Variants in SNX6 observed in about 807,000 individuals in gnomAD.
SNX6 encodes the protein sorting nexin 6, also known as sorting nexin-6.
A neutral mutation model predicts 63.0 loss-of-function variants in SNX6; 34 were observed. That is an observed-to-expected ratio of 0.54 (90% CI 0.41 to 0.72). The LOEUF is 0.72. Among genes scored for constraint, SNX6 ranks in the 30% least tolerant of loss-of-function variants. SNX6 has a pLI of 0.00. For synonymous variants in SNX6, 170 were observed against 164.2 expected, an observed-to-expected ratio of 1.04 and a Z score of -0.27; for missense variants, 398 against 471.4, an observed-to-expected ratio of 0.84 and a Z score of 1.44.
chr14:34,609,937 T>C (rs932226857), intron 2 of SNX6, among the ~76,000 whole-genome samples, 195 bp from the exon 3 acceptor site: 4 of 152,180 alleles, frequency 2.6e-5, no homozygotes, highest in Admixed American at 1.3e-4. Flanking sequence ...CTTAATTCTA[T>C]AGTATTCAAT....
At chr14:34,603,003 C>T (rs1186446547) in intron 6 of SNX6, among the ~76,000 whole-genome samples, 1 of 144,014 alleles carries the variant, frequency 6.9e-6, no homozygotes, top group Non-Finnish European at 1.5e-5. Context: ...TTGGGCTGGG[C>T]GCTATGGCTC....
chr14:34,629,477 C>CAGAA (rs1031572949), intron 2 of SNX6: 7 of 474,712 alleles, frequency 1.5e-5, no homozygotes, highest in Non-Finnish European at 2.9e-5. Flanking sequence ...TTGAGAGAGA[C>CAGAA]AGAAGGGTGG....
chr14:34,609,503 A>AG, intron 3 of SNX6, 135 bp downstream of exon 3: 2 of 476,274 alleles, frequency 4.2e-6, no homozygotes, highest in Non-Finnish European at 7.5e-6. Context: ...AAAAAAAAAA[A>AG]AGTACATTTT....
At chr14:34,624,523 C>A (rs1024968027) in intron 2 of SNX6, among the ~76,000 whole-genome samples, 2 of 152,096 alleles carry the variant, frequency 1.3e-5, no homozygotes, top group Non-Finnish European at 2.9e-5. Flanking sequence ...TGTAGCTGGA[C>A]GCTGTGGCTC....
chr14:34,617,648 G>A lies in SNX6; in HGVS notation c.55-7906C>T, dbSNP rs189226224. On this transcript the variant is annotated intron_variant, in intron 2 of 13. Transcript: ENST00000362031. Reference sequence around the variant, plus strand: ...AAAAAAAAAAAGACTTGGACCAGGCGCGGTGGCTCACGCCTGTAATCCCAG... The same window carrying A: ...AAAAAAAAAAAGACTTGGACCAGGCACGGTGGCTCACGCCTGTAATCCCAG... 1.9e-3 allele frequency among the ~76,000 whole-genome samples: 289 copies of A among 148,610 alleles called. 7 individuals carry two copies. The East Asian group carries it at 0.052, about 27-fold the overall frequency.
intron 2 of SNX6, among the ~76,000 whole-genome samples, chr14:34,614,591 C>T (rs900534712): frequency 1.3e-5 from 2 of 152,152 alleles, no homozygotes; most frequent in Non-Finnish European, 2.9e-5. Flanking sequence ...AAAATTTCCT[C>T]TCAGCTGTTA....
intron 2 of SNX6, among the ~76,000 whole-genome samples, chr14:34,623,439 C>G (rs1483185167): frequency 1.3e-5 from 2 of 151,844 alleles, no homozygotes; most frequent in Admixed American, 1.3e-4. Flanking sequence ...TGGACCTTAC[C>G]CCCCAAAAAA....
intron 2 of SNX6, among the ~76,000 whole-genome samples, chr14:34,626,334 C>T (rs1883821994): frequency 6.6e-6 from 1 of 151,858 alleles, no homozygotes. Context: ...TTTTGTCTTC[C>T]TCTCCCTTTA....
At chr14:34,578,111 T>C (rs1280528039) in intron 10 of SNX6, among the ~76,000 whole-genome samples, 1 of 150,316 alleles carries the variant, frequency 6.7e-6, no homozygotes, top group East Asian at 2.0e-4. Flanking sequence ...GGCTGAGGCA[T>C]GAGACTCACT....
chr14:34,571,120 T>A (rs1287546396), intron 11 of SNX6, among the ~76,000 whole-genome samples: 1 of 151,712 alleles, frequency 6.6e-6, no homozygotes, highest in Non-Finnish European at 1.5e-5. Flanking sequence ...TAAGAAGAAA[T>A]GAGCTATCAA....
intron 10 of SNX6, among the ~76,000 whole-genome samples, chr14:34,578,924 C>A (rs189627505): frequency 0.052 from 3,387 of 65,614 alleles, 142 homozygotes; most frequent in Middle Eastern, 0.16. Flanking sequence ...GGCGACAGAG[C>A]GAGACTTCAT....
At chr14:34,588,406 G>A (rs900165406) in intron 8 of SNX6, among the ~76,000 whole-genome samples, 20 of 152,030 alleles carry the variant, frequency 1.3e-4, no homozygotes, top group South Asian at 4.1e-4. Flanking sequence ...TTACAGGCAT[G>A]AGCCAACATA....
chr14:34,565,231 C>T (rs971374722), intron 13 of SNX6, among the ~76,000 whole-genome samples: 2 of 151,876 alleles, frequency 1.3e-5, no homozygotes, highest in Non-Finnish European at 2.9e-5. Flanking sequence ...GCGCCCGCCA[C>T]CACGCCCGGC....
chr14:34,620,901 C>G (rs1304436849), intron 2 of SNX6, among the ~76,000 whole-genome samples: 1 of 151,912 alleles, frequency 6.6e-6, no homozygotes, highest in Non-Finnish European at 1.5e-5. Flanking sequence ...GAGATGGTGC[C>G]ACTGCACTCC....
chr14:34,593,946 C>A (rs1882501630), intron 7 of SNX6, among the ~76,000 whole-genome samples: 1 of 152,022 alleles, frequency 6.6e-6, no homozygotes, highest in South Asian at 2.1e-4. Flanking sequence ...AAGTTTCTGA[C>A]CTCAAGTGAT....
At chr14:34,579,618 G>T (rs1881856623) in intron 10 of SNX6, among the ~76,000 whole-genome samples, 1 of 151,946 alleles carries the variant, frequency 6.6e-6, no homozygotes, top group Non-Finnish European at 1.5e-5. Context: ...AAAACAAAAA[G>T]AATAAAGGAA....
Position 34,580,241 on chromosome 14 carries a change from G to A in SNX6, c.834+1320C>T, listed in dbSNP as rs1191986356. ...AAAAAACCCAAATCTCACTGGCAGT[G>A]CCTTGAAAGGCAGCTGAGGAGATGA... is the stretch of plus-strand genomic sequence containing the variant. On this transcript the variant is annotated intron_variant, in intron 10 of 13. Coordinates refer to ENST00000362031, the MANE Select transcript of SNX6 (RefSeq NM_152233.4). Among the ~76,000 whole-genome samples, 5 of 152,310 alleles carry A rather than the reference G, an allele frequency of 3.3e-5. No homozygotes were observed. The East Asian group carries it at 9.6e-4, about 29-fold the overall frequency.
chr14:34,584,481 G>A (rs1882068472), intron 9 of SNX6, among the ~76,000 whole-genome samples: 1 of 150,510 alleles, frequency 6.6e-6, no homozygotes, highest in African/African-American at 2.4e-5. Flanking sequence ...TGTTTTTAGA[G>A]AACACGCCAC....
At chr14:34,601,423 A>G (rs1339019332) in intron 6 of SNX6, among the ~76,000 whole-genome samples, 1 of 151,410 alleles carries the variant, frequency 6.6e-6, no homozygotes, top group Non-Finnish European at 1.5e-5. Context: ...ACGGGGTTTC[A>G]CCATATTGGC....
Sources: gnomAD v4.1 joint callset for allele counts (sites outside exome capture counted in the v4.1 genomes callset) on GRCh38, gnomAD v4.1.1 for gene constraint, MANE v1.5 for transcripts, NCBI Gene and HGNC (gene_info 2026-07-23, HGNC 2026-07-21) for gene names.